Variants in VMP1 observed in about 807,000 individuals in gnomAD.
VMP1 encodes the protein ectopic P-granules autophagy protein 3 homolog.
In VMP1, 11 loss-of-function variants were observed where a neutral mutation model predicts 56.0. The ratio of observed to expected loss-of-function variants is 0.20; its 90% CI spans 0.12 to 0.32. The LOEUF (loss-of-function observed/expected upper bound fraction) is 0.32, where lower values mean the gene tolerates loss of function less well. Among genes scored for constraint, VMP1 ranks in the 10% least tolerant of loss-of-function variants. The pLI is 1.00. For missense variants in VMP1, 296 were observed against 490.3 expected (o/e 0.60, Z 3.74); for synonymous variants, 149 against 165.0 (o/e 0.90, Z 0.74).
At chr17:59,709,162 G>T (rs1274986184) in intron 1 of VMP1, among the ~76,000 whole-genome samples, 1 of 152,112 alleles carries the variant, frequency 6.6e-6, no homozygotes, top group Non-Finnish European at 1.5e-5. Flanking sequence ...TTTGAAACAA[G>T]GTGACAAAAT....
chr17:59,807,075 A>G (rs1420405917), intron 7 of VMP1, among the ~76,000 whole-genome samples: 1 of 152,150 alleles, frequency 6.6e-6, no homozygotes, highest in Non-Finnish European at 1.5e-5. Context: ...TGTTTTTGTA[A>G]GTGGGGATAC....
chr17:59,830,563 G>A (rs1201267596), intron 10 of VMP1, among the ~76,000 whole-genome samples: 1 of 152,140 alleles, frequency 6.6e-6, no homozygotes, highest in Non-Finnish European at 1.5e-5. Context: ...TAAGACAAAA[G>A]GCTTATTACT....
chr17:59,834,256 C>CTTGTTT (rs750139786), intron 10 of VMP1, among the ~76,000 whole-genome samples: 24 of 151,956 alleles, frequency 1.6e-4, no homozygotes, highest in African/African-American at 3.9e-4. Context: ...CGCACCCAGC[C>CTTGTTT]TTGTTTTTGT....
chr17:59,822,134 G>A (rs1009089514), intron 10 of VMP1, among the ~76,000 whole-genome samples: 1 of 151,966 alleles, frequency 6.6e-6, no homozygotes, highest in African/African-American at 2.4e-5. Flanking sequence ...GAGCCACTGT[G>A]CCCGGCCATT....
intron 7 of VMP1, among the ~76,000 whole-genome samples, chr17:59,807,631 AAGACC>A (rs1392563210): frequency 6.6e-6 from 1 of 151,988 alleles, no homozygotes; most frequent in Non-Finnish European, 1.5e-5. Flanking sequence ...TCAGGAGTTC[AAGACC>A]AGCTTGACCA....
At chr17:59,770,839 C>T (rs1196176842) in intron 6 of VMP1, among the ~76,000 whole-genome samples, 2 of 152,088 alleles carry the variant, frequency 1.3e-5, no homozygotes, top group Non-Finnish European at 2.9e-5. Flanking sequence ...CTCAGTCTCC[C>T]AAAGTGCTGG....
At chr17:59,729,483 A>C (rs1320978293) in intron 1 of VMP1, among the ~76,000 whole-genome samples, 2 of 151,498 alleles carry the variant, frequency 1.3e-5, no homozygotes, top group Non-Finnish European at 2.9e-5. Flanking sequence ...CATCTCAAAA[A>C]AAAAAAAAAA....
At chr17:59,839,526 A>T (rs772235956) in intron 11 of VMP1, 179 of 483,232 alleles carry the variant, frequency 3.7e-4, no homozygotes, top group Non-Finnish European at 5.5e-4. Flanking sequence ...CTAACCTCAC[A>T]CTCATCCCAT....
chr17:59,813,053 G>C (rs2144235204), intron 9 of VMP1, among the ~76,000 whole-genome samples: 1 of 152,264 alleles, frequency 6.6e-6, no homozygotes, highest in Admixed American at 6.5e-5. Flanking sequence ...TAGAAGGGAA[G>C]AATGAAACAG....
At chr17:59,718,396 C>T (rs1423837339) in intron 1 of VMP1, among the ~76,000 whole-genome samples, 1 of 151,484 alleles carries the variant, frequency 6.6e-6, no homozygotes, top group African/African-American at 2.4e-5. Flanking sequence ...TGGGGTTTCA[C>T]CATGTTAGCC....
At chr17:59,824,227 G>C (rs1274285870) in intron 10 of VMP1, among the ~76,000 whole-genome samples, 1 of 149,026 alleles carries the variant, frequency 6.7e-6, no homozygotes, top group East Asian at 2.0e-4. Context: ...CTCCAGCCTG[G>C]GCGACACAGC....
chr17:59,716,018 G>T (rs1404844666), intron 1 of VMP1, among the ~76,000 whole-genome samples: 2 of 151,334 alleles, frequency 1.3e-5, no homozygotes, highest in African/African-American at 4.9e-5. Context: ...CATAATTTCT[G>T]GCTTATCAGA....
intron 7 of VMP1, among the ~76,000 whole-genome samples, chr17:59,782,376 T>G (rs907700672): frequency 2.0e-5 from 3 of 152,224 alleles, no homozygotes; most frequent in Non-Finnish European, 4.4e-5. Context: ...ATATGTTAGT[T>G]TTGTCTTATA....
intron 9 of VMP1, among the ~76,000 whole-genome samples, chr17:59,812,143 TG>T (rs1420044575): frequency 1.3e-5 from 2 of 152,172 alleles, no homozygotes; most frequent in Non-Finnish European, 2.9e-5. Context: ...TGTAGTTTTT[TG>T]TTTGTTTTGT....
intron 5 of VMP1, among the ~76,000 whole-genome samples, chr17:59,752,885 A>C (rs1366980446): frequency 3.9e-5 from 6 of 152,316 alleles, no homozygotes; most frequent in Non-Finnish European, 8.8e-5. Context: ...AAACATGTTA[A>C]TTTGCTTTAC....
intron 7 of VMP1, chr17:59,784,745 A>G (rs974649211): frequency 1.3e-5 from 2 of 152,368 alleles, no homozygotes; most frequent in Admixed American, 6.5e-5. Flanking sequence ...GAACAACAGT[A>G]ATTTTACAAA....
intron 11 of VMP1, 29 bp downstream of exon 11, chr17:59,838,426 C>T (rs1444351972): frequency 6.2e-7 from 1 of 1,609,404 alleles, no homozygotes; most frequent in Non-Finnish European, 8.5e-7. Context: ...TTCTTCTCCC[C>T]TCTGGGAAGT....
chr17:59,801,977 G>A (rs1287499027), intron 7 of VMP1, among the ~76,000 whole-genome samples: 1 of 152,118 alleles, frequency 6.6e-6, no homozygotes, highest in Admixed American at 6.6e-5. Flanking sequence ...AAGGTGGGCA[G>A]ATCACTTGAG....
chr17:59,778,791 A>G (rs551218709), intron 7 of VMP1, among the ~76,000 whole-genome samples: 2 of 152,326 alleles, frequency 1.3e-5, no homozygotes, highest in East Asian at 3.9e-4. Context: ...GGTTTGACTT[A>G]TGATTGTTCA....
Sources: allele counts gnomAD v4.1 joint callset (sites outside exome capture counted in the v4.1 genomes callset), GRCh38; gene constraint gnomAD v4.1.1; transcripts MANE v1.5; gene names NCBI Gene and HGNC (gene_info 2026-07-23, HGNC 2026-07-21).